Variants in GGCX observed in about 807,000 individuals in gnomAD.
GGCX encodes the protein gamma-glutamyl carboxylase.
A neutral mutation model predicts 88.5 loss-of-function variants in GGCX; 63 were observed. That is an observed-to-expected ratio of 0.71 (90% CI 0.58 to 0.88). GGCX has a LOEUF of 0.88. Ranked by LOEUF, GGCX falls within the 40% of genes least tolerant of loss-of-function variation. The pLI is 0.00. For synonymous variants in GGCX, 368 were observed against 365.8 expected (o/e 1.01, Z -0.07); for missense variants, 805 against 932.9 (o/e 0.86, Z 1.79).
chr2:85,561,283 C>A (rs1231967173), intron 1 of GGCX, 103 bp downstream of exon 1: 7 of 649,022 alleles, frequency 1.1e-5, no homozygotes, highest in Non-Finnish European at 1.6e-5. Context: ...CAGAGGACCC[C>A]CCCCCCGCCT....
rs1343896770 is a variant in GGCX at position 85,547,452 on chromosome 2, C to T, written c.*2482G>A. The T allele has an allele frequency of 6.6e-6, 1 of 152,140 alleles. No individual in the cohort carries two copies. The highest frequency in any genetic ancestry group is 1.5e-5 in the Non-Finnish European group (1 of 68,008). 9.4% of individuals were successfully genotyped at this position (152,140 alleles called of 1,614,324 possible). ...CACCTCACCCTACCCCAATATCTTC[C>T]TTGGGAAAATTGGTCAGAGAGGTGG... is the stretch of plus-strand genomic sequence containing the variant. On this transcript the variant is annotated 3_prime_UTR_variant, in exon 15 of 15. Transcript: ENST00000233838.
Position 85,556,163 on chromosome 2 carries a change from C to T in GGCX, c.618+19G>A. The T allele has an allele frequency of 6.5e-7, 1 of 1,533,966 alleles. No individual in the cohort carries two copies. The highest frequency in any genetic ancestry group is 9.0e-7 in the Non-Finnish European group (1 of 1,106,532). ...CATGGCTGTCAAGGAGCTCCTCCCTCTGTCCTAAAATGCTGTACCTGGCCA... is the reference window on the plus strand; with the variant it reads ...CATGGCTGTCAAGGAGCTCCTCCCTTTGTCCTAAAATGCTGTACCTGGCCA... On this transcript the variant is annotated intron_variant, in intron 5 of 14. Coordinates refer to ENST00000233838, the MANE Select transcript of GGCX (RefSeq NM_000821.7).
At chr2:85,559,719 AAAAGAAAG>A (rs61544460) in intron 2 of GGCX, among the ~76,000 whole-genome samples, 8 of 151,054 alleles carry the variant, frequency 5.3e-5, no homozygotes, top group African/African-American at 7.3e-5. Context: ...CCGTCTCAAA[AAAAGAAAG>A]AAAGAAAGAA....
Position 85,545,777 on chromosome 2 carries a change from C to T in GGCX, c.*4157G>A, listed in dbSNP as rs1049305909. Reference sequence around the variant, plus strand: ...TATCTAAAGTCCTGGCAATTTAAGCCTATTAATCTGCATACATTTTTAAAT... The same window carrying T: ...TATCTAAAGTCCTGGCAATTTAAGCTTATTAATCTGCATACATTTTTAAAT... On this transcript the variant is annotated 3_prime_UTR_variant, in exon 15 of 15. Transcript: ENST00000233838. The T allele has an allele frequency of 1.7e-4, 25 of 150,654 alleles. No individual in the cohort carries two copies. The highest frequency in any genetic ancestry group is 5.8e-4 in the African/African-American group (23 of 39,988). The allele number at this position is 150,654 out of a possible 1,614,324, so 9.3% of individuals were successfully genotyped here.
In GGCX at chr2:85,550,938, C is replaced by T. The variant is rs752303148; in HGVS notation, c.1875G>A (p.Val625=). 1.2e-6 allele frequency: 2 copies of T among 1,614,176 alleles called. No individual in the cohort carries two copies. The highest frequency in any genetic ancestry group is 1.6e-4 in the Middle Eastern group (1 of 6,062). Residue 625 remains valine, a synonymous_variant, in exon 13 of 15, where the codon GTG becomes GTA. Coordinates refer to ENST00000233838, the MANE Select transcript of GGCX (RefSeq NM_000821.7). ...TCATACACTCACCACTTCCATTCTC[C>T]ACCTTTTCCTTTAATTCTTGCAGAT... ...LAYLQELKEK[V]ENGSETGPLP...
Position 85,545,121 on chromosome 2 carries a change from G to GT in GGCX, c.*4812dup, listed in dbSNP as rs1691593238. On this transcript the variant is annotated 3_prime_UTR_variant, in exon 15 of 15. Coordinates refer to ENST00000233838, the MANE Select transcript of GGCX (RefSeq NM_000821.7). ...GGAGAAAGCTGACTTGGCTGGTGTG[G>GT]TACAGAGAAGCCAGCTTGTTTACAT... 6.6e-6 allele frequency: 1 copy of GT among 152,614 alleles called. No homozygotes were observed. The highest frequency in any genetic ancestry group is 6.5e-5 in the Admixed American group (1 of 15,270). 9.5% of individuals were successfully genotyped at this position (152,614 alleles called of 1,614,324 possible).
chr2:85,559,616 G>A (rs1279047818), intron 2 of GGCX, among the ~76,000 whole-genome samples: 2 of 152,148 alleles, frequency 1.3e-5, no homozygotes, highest in Admixed American at 6.5e-5. Context: ...TCGGGAAGCT[G>A]AAGCAGGAGA....
chr2:85,555,318 C>T, intron 6 of GGCX, 166 bp downstream of exon 6: 1 of 604,892 alleles, frequency 1.7e-6, no homozygotes, highest in Non-Finnish European at 3.0e-6. Flanking sequence ...AGGGCTCAAT[C>T]TTTTGATACC....
Position 85,549,878 on chromosome 2 carries a change from A to G in GGCX, c.*56T>C. The G allele has an allele frequency of 9.1e-7, 1 of 1,103,186 alleles. No homozygotes were observed. Among genetic ancestry groups the G allele is most frequent in the Admixed American group, 1.8e-5 (1 of 55,484 alleles). 68.3% of individuals were successfully genotyped at this position (1,103,186 alleles called of 1,614,324 possible). On this transcript the variant is annotated 3_prime_UTR_variant, in exon 15 of 15. Coordinates refer to ENST00000233838, the MANE Select transcript of GGCX (RefSeq NM_000821.7). Reference sequence around the variant, plus strand: ...TTTTTTTCAAATAAATGTCCATTGCATAGAATGGGTCTGTGACTGGCTGCT... The same window carrying G: ...TTTTTTTCAAATAAATGTCCATTGCGTAGAATGGGTCTGTGACTGGCTGCT...
chr2:85,559,132 A>G, intron 2 of GGCX, 57 bp from the exon 3 acceptor site: 1 of 1,367,214 alleles, frequency 7.3e-7, no homozygotes. Context: ...GCAGTAGAAT[A>G]CAGTGGAACA....
chr2:85,550,692 G>A lies in GGCX; in HGVS notation c.1947C>T (p.Gly649=). ...TCTGAACCAGAGGTGTTGGCTCAGGGCCCCCTTTTACTTCCCCTTCCAACA... is the reference window on the plus strand; with the variant it reads ...TCTGAACCAGAGGTGTTGGCTCAGGACCCCCTTTTACTTCCCCTTCCAACA... The part of the protein sequence containing the change: ...QPLLEGEVKG[G]PEPTPLVQTF... Residue 649 remains glycine (G), a synonymous_variant, in exon 14 of 15, where the codon GGC becomes GGT. Transcript: ENST00000233838. 1 of 1,613,988 alleles carries A rather than the reference G, an allele frequency of 6.2e-7. No individual in the cohort carries two copies. The highest frequency in any genetic ancestry group is 8.5e-7 in the Non-Finnish European group (1 of 1,179,896).
At position 85,551,923 on chromosome 2, in the gene GGCX, A is replaced by C. The variant is rs146811957; in HGVS notation, c.1498T>G (p.Ser500Ala). Residue 500 changes from serine (S) to alanine (A), a missense_variant, in exon 11 of 15, where the codon TCC becomes GCC. By Grantham distance (99) the Ser-to-Ala change is moderately conservative (BLOSUM62 1). Around this residue, in one of 3 missense-constraint regions of GGCX, gnomAD observed 680 missense variants for 763.7 expected, o/e 0.89. Coordinates refer to ENST00000233838, the MANE Select transcript of GGCX (RefSeq NM_000821.7). ...QAAWSPFQRT[S>A]WVQPLLMDLS... Reference sequence around the variant, plus strand: ...TCCATCAAGAGTGGTTGCACCCAGGATGTGCGCTGAAAGGGTGACCAAGCG... The same window carrying C: ...TCCATCAAGAGTGGTTGCACCCAGGCTGTGCGCTGAAAGGGTGACCAAGCG... 68 of 1,613,646 alleles carry C rather than the reference A, an allele frequency of 4.2e-5. No homozygotes were observed. The highest frequency in any genetic ancestry group is 5.7e-5 in the Non-Finnish European group (67 of 1,179,654).
At chr2:85,554,766 C>G in intron 6 of GGCX, 1 of 254,200 alleles carries the variant, frequency 3.9e-6, no homozygotes, top group South Asian at 4.9e-5. Flanking sequence ...CCATGCCCAG[C>G]CCCCTCTACA....
intron 6 of GGCX, chr2:85,554,572 C>G: frequency 2.0e-6 from 1 of 495,746 alleles, no homozygotes; most frequent in Non-Finnish European, 3.7e-6. Context: ...CTCAAGCAAT[C>G]CTCCTGTCTC....
chr2:85,553,135 G>C, intron 8 of GGCX, 65 bp from the exon 9 acceptor site: 1 of 1,612,714 alleles, frequency 6.2e-7, no homozygotes. Flanking sequence ...CCCCTACCAA[G>C]AAGGGGCTGC....
chr2:85,552,497 C>G lies in GGCX; in HGVS notation c.1358G>C (p.Arg453Pro). 6.2e-7 allele frequency: 1 copy of G among 1,613,556 alleles called. No homozygotes were observed. Among genetic ancestry groups the G allele is most frequent in the Non-Finnish European group, 8.5e-7 (1 of 1,179,502 alleles). ...AGTGACATTATACTTGGGAAGCAGGCGGCTCAGGCAAGTGGCATATTGCTT... is the reference window on the plus strand; with the variant it reads ...AGTGACATTATACTTGGGAAGCAGGGGGCTCAGGCAAGTGGCATATTGCTT... The part of the protein sequence containing the change: ...MLKQYATCLS[R>P]LLPKYNVTEP... Residue 453 changes from arginine (R) to proline (P), a missense_variant, in exon 10 of 15, where the codon CGC becomes CCC. Coordinates refer to ENST00000233838, the MANE Select transcript of GGCX (RefSeq NM_000821.7).
intron 4 of GGCX, among the ~76,000 whole-genome samples, chr2:85,556,467 C>T (rs941585578): frequency 1.3e-5 from 2 of 152,072 alleles, no homozygotes; most frequent in African/African-American, 4.8e-5. Flanking sequence ...GTTATAACAG[C>T]AAAAAGTTCA....
intron 12 of GGCX, 134 bp from the exon 13 acceptor site, chr2:85,551,206 C>G (rs1233197143): frequency 1.1e-6 from 1 of 898,472 alleles, no homozygotes; most frequent in East Asian, 2.5e-5. Context: ...CTCTAGAATC[C>G]TGGATGAGGC....
chr2:85,553,458 A>C lies in GGCX; in HGVS notation c.929T>G (p.Phe310Cys). ...SYVMLASSPL[F>C]CSPEWPRKLV... Reference sequence around the variant, plus strand: ...CTTCCGAGGCCACTCAGGGGAGCAGAAGAGAGGGCTGCTGGCCAGCATGAC... The same window carrying C: ...CTTCCGAGGCCACTCAGGGGAGCAGCAGAGAGGGCTGCTGGCCAGCATGAC... The change falls in exon 8 of 15, where the codon TTC becomes TGC. Residue 310 changes from phenylalanine (F) to cysteine (C), a missense_variant. Transcript: ENST00000233838. 1.2e-6 allele frequency: 2 copies of C among 1,613,942 alleles called. No homozygotes were observed. The highest frequency in any genetic ancestry group is 2.2e-5 in the South Asian group (2 of 91,086).
Sources: gnomAD v4.1 joint callset for allele counts (sites outside exome capture counted in the v4.1 genomes callset) on GRCh38, gnomAD v4.1.1 for gene constraint, gnomAD v4.1.1 regional missense constraint, MANE v1.5 for transcripts, NCBI Gene and HGNC (gene_info 2026-07-23, HGNC 2026-07-21) for gene names.